The following PSMA1 variants were observed in gnomAD, a reference collection of about 807,000 sequenced individuals.
The protein encoded by PSMA1 is proteasome 20S subunit alpha 1, also known as proteasome subunit alpha type-1.
A neutral mutation model predicts 38.4 loss-of-function variants in PSMA1; 3 were observed. The observed-to-expected ratio is 0.08, with a 90% CI of 0.04 to 0.20. The LOEUF (loss-of-function observed/expected upper bound fraction) is 0.20, where lower values mean the gene tolerates loss of function less well. Among genes scored for constraint, PSMA1 ranks in the 10% least tolerant of loss-of-function variants. The pLI is 1.00. For missense variants in PSMA1, 227 were observed against 325.3 expected (o/e 0.70, Z 2.32); for synonymous variants, 101 against 107.1 (o/e 0.94, Z 0.35).
At chr11:14,606,925 A>C (rs1267647542) in intron 2 of PSMA1, among the ~76,000 whole-genome samples, 1 of 152,230 alleles carries the variant, frequency 6.6e-6, no homozygotes, top group Non-Finnish European at 1.5e-5. Context: ...TTACTGACAC[A>C]TAGCCCCAGG....
intron 1 of PSMA1, among the ~76,000 whole-genome samples, chr11:14,622,111 T>C (rs1852853751): frequency 6.6e-6 from 1 of 152,224 alleles, no homozygotes; most frequent in Non-Finnish European, 1.5e-5. Context: ...TGGGTACCTA[T>C]GCAGACTTTC....
intron 8 of PSMA1, 35 bp downstream of exon 8, chr11:14,510,825 TTTAAACTGTAAC>T (rs771462073): frequency 1.0e-4 from 140 of 1,377,520 alleles, no homozygotes; most frequent in Non-Finnish European, 1.4e-4. Context: ...GCAATAAAGG[TTTAAACTGTAAC>T]GTTAATATCT....
intron 2 of PSMA1, among the ~76,000 whole-genome samples, chr11:14,602,477 A>G (rs1852594534): frequency 6.6e-6 from 1 of 152,134 alleles, no homozygotes; most frequent in Admixed American, 6.5e-5. Context: ...TGAAAAAAAA[A>G]TCATAGTAAT....
intron 2 of PSMA1, among the ~76,000 whole-genome samples, chr11:14,589,353 A>G (rs199505093): frequency 1.9e-4 from 24 of 128,464 alleles, no homozygotes; most frequent in East Asian, 1.4e-3. Context: ...GTGTGTGTGT[A>G]TATATATATA....
chr11:14,552,283 T>C (rs2134169237), intron 2 of PSMA1, among the ~76,000 whole-genome samples: 1 of 152,298 alleles, frequency 6.6e-6, no homozygotes. Flanking sequence ...GAGAGTGCCC[T>C]TCAGACTACA....
intron 1 of PSMA1, chr11:14,611,244 TCTC>T (rs1354629669): frequency 1.3e-5 from 6 of 457,970 alleles, no homozygotes; most frequent in African/African-American, 1.2e-4. Context: ...CAAACTCTCT[TCTC>T]CTCTCCTGGG....
intron 5 of PSMA1, 83 bp from the exon 6 acceptor site, chr11:14,513,970 C>A: frequency 7.0e-7 from 1 of 1,421,860 alleles, no homozygotes; most frequent in Non-Finnish European, 9.2e-7. Flanking sequence ...ACAAAGGTCT[C>A]TGGCTTATTC....
At chr11:14,589,633 G>C (rs1450868242) in intron 2 of PSMA1, among the ~76,000 whole-genome samples, 1 of 152,054 alleles carries the variant, frequency 6.6e-6, no homozygotes, top group African/African-American at 2.4e-5. Flanking sequence ...TGACCCCTCA[G>C]GGAAAGGTAA....
chr11:14,636,283 C>T (rs1477184906), intron 1 of PSMA1, among the ~76,000 whole-genome samples: 10 of 152,132 alleles, frequency 6.6e-5, no homozygotes, highest in Admixed American at 6.5e-4. Flanking sequence ...CATTGACACC[C>T]GTGGTTACTT....
chr11:14,581,798 T>A (rs1269583677), intron 2 of PSMA1, among the ~76,000 whole-genome samples: 1 of 152,224 alleles, frequency 6.6e-6, no homozygotes, highest in Non-Finnish European at 1.5e-5. Context: ...CTTCTTTATA[T>A]CCCTTAGCTC....
chr11:14,616,521 T>G (rs978330303), intron 1 of PSMA1, among the ~76,000 whole-genome samples: 5 of 152,168 alleles, frequency 3.3e-5, no homozygotes, highest in African/African-American at 1.2e-4. Flanking sequence ...TGTGAACCAC[T>G]GTGCCCGATC....
intron 1 of PSMA1, among the ~76,000 whole-genome samples, chr11:14,634,677 AGTAGTAGCTCAT>A (rs1853089260): frequency 1.3e-5 from 2 of 152,212 alleles, no homozygotes; most frequent in Non-Finnish European, 2.9e-5. Flanking sequence ...TGATACAAGA[AGTAGTAGCTCAT>A]GTTTTAGGGG....
chr11:14,613,226 T>C (rs1005970363), intron 1 of PSMA1, among the ~76,000 whole-genome samples: 23 of 149,576 alleles, frequency 1.5e-4, no homozygotes, highest in African/African-American at 4.4e-4. Context: ...AAAATCAATT[T>C]TTTTTTAAAA....
intron 2 of PSMA1, among the ~76,000 whole-genome samples, chr11:14,579,942 C>T (rs1301500260): frequency 1.3e-5 from 2 of 152,114 alleles, no homozygotes; most frequent in African/African-American, 2.4e-5. Context: ...CTTCAAGGTA[C>T]ACTGATTGTG....
At chr11:14,606,055 T>A (rs1030078870) in intron 2 of PSMA1, among the ~76,000 whole-genome samples, 1 of 152,258 alleles carries the variant, frequency 6.6e-6, no homozygotes, top group African/African-American at 2.4e-5. Context: ...AATTTCTGTA[T>A]ATGGTAAAAT....
intron 1 of PSMA1, among the ~76,000 whole-genome samples, chr11:14,615,532 C>T (rs1852761807): frequency 1.3e-5 from 2 of 152,198 alleles, no homozygotes; most frequent in Admixed American, 6.5e-5. Context: ...AGGTAGCTCT[C>T]TCCTATAGCT....
chr11:14,596,951 T>C (rs1286511568), intron 2 of PSMA1, among the ~76,000 whole-genome samples: 1 of 152,242 alleles, frequency 6.6e-6, no homozygotes, highest in African/African-American at 2.4e-5. Context: ...GTTTTTAGCA[T>C]GAAGGGCTGT....
At chr11:14,581,358 C>A (rs1816982424) in intron 2 of PSMA1, among the ~76,000 whole-genome samples, 1 of 152,146 alleles carries the variant, frequency 6.6e-6, no homozygotes, top group Non-Finnish European at 1.5e-5. Context: ...AGTTAGGAAT[C>A]CAAGGTCTAA....
chr11:14,574,486 A>C lies in PSMA1; in HGVS notation c.21+36480T>G, dbSNP rs1478894654. ...GCTTGGATGCCCCTGCCTAGATTTC[A>C]GAAGACGTATGGTGATATGGTTTGG... On this transcript the variant is annotated intron_variant, in intron 2 of 10. Coordinates refer to the PSMA1 transcript ENST00000418988. Among the ~76,000 whole-genome samples, 5 of 152,198 alleles carry C rather than the reference A, an allele frequency of 3.3e-5. No homozygotes were observed. The East Asian group carries it at 9.6e-4, about 29-fold the overall frequency.
Sources: gnomAD v4.1 joint callset for allele counts (sites outside exome capture counted in the v4.1 genomes callset) on GRCh38, gnomAD v4.1.1 for gene constraint, MANE v1.5 for transcripts, NCBI Gene and HGNC (gene_info 2026-07-23, HGNC 2026-07-21) for gene names.